The following DGKB variants were observed in gnomAD, a reference collection of about 807,000 sequenced individuals.
The protein encoded by DGKB is 90 kDa diacylglycerol kinase.
A neutral mutation model predicts 114.3 loss-of-function variants in DGKB; 67 were observed. That is an observed-to-expected ratio of 0.59 (90% CI 0.48 to 0.72). The LOEUF (loss-of-function observed/expected upper bound fraction) is 0.72, where lower values mean the gene tolerates loss of function less well. Ranked by LOEUF, DGKB falls within the 30% of genes least tolerant of loss-of-function variation. The probability of loss-of-function intolerance (pLI) is 0.00; values close to 1 mark genes in which losing one functional copy is unlikely to be tolerated. For synonymous variants in DGKB, 398 were observed against 323.1 expected (o/e 1.23, Z -2.49); for missense variants, 907 against 975.2 (o/e 0.93, Z 0.93).
intron 21 of DGKB, among the ~76,000 whole-genome samples, chr7:14,379,915 T>C (rs1321536379): frequency 7.0e-6 from 1 of 143,306 alleles, no homozygotes; most frequent in African/African-American, 2.5e-5. Context: ...ATTACAGGCG[T>C]GAGCGAGCGG....
chr7:14,321,132 A>T (rs1055205692), intron 23 of DGKB, among the ~76,000 whole-genome samples: 1 of 152,030 alleles, frequency 6.6e-6, no homozygotes, highest in Non-Finnish European at 1.5e-5. Context: ...CCCTACAAAA[A>T]ATACAAAACT....
intron 23 of DGKB, among the ~76,000 whole-genome samples, chr7:14,181,011 T>C (rs1438763202): frequency 6.6e-6 from 1 of 152,168 alleles, no homozygotes. Context: ...CCCTAGCCCT[T>C]TTTGTATGGC....
intron 25 of DGKB, among the ~76,000 whole-genome samples, chr7:14,153,485 CAA>C (rs1329659691): frequency 1.3e-5 from 2 of 151,998 alleles, no homozygotes; most frequent in African/African-American, 2.4e-5. Context: ...CACTGAAGGA[CAA>C]AGAGACTTAA....
intron 20 of DGKB, among the ~76,000 whole-genome samples, chr7:14,568,575 C>T (rs558866010): frequency 2.2e-3 from 330 of 152,260 alleles, no homozygotes; most frequent in Non-Finnish European, 3.9e-3. Flanking sequence ...CCTGGGTCAC[C>T]GATTGACAAC....
At chr7:14,807,628 G>C (rs1842933894) in intron 2 of DGKB, among the ~76,000 whole-genome samples, 1 of 151,952 alleles carries the variant, frequency 6.6e-6, no homozygotes, top group Non-Finnish European at 1.5e-5. Flanking sequence ...GACGTAGAAA[G>C]AGATAGATTT....
At chr7:14,301,124 C>T (rs142203751) in intron 23 of DGKB, among the ~76,000 whole-genome samples, 1 of 152,188 alleles carries the variant, frequency 6.6e-6, no homozygotes, top group African/African-American at 2.4e-5. Flanking sequence ...TGAAGTTTAT[C>T]TGTTTGCAGT....
chr7:14,352,979 A>T (rs1324693034), intron 21 of DGKB, among the ~76,000 whole-genome samples: 1 of 152,140 alleles, frequency 6.6e-6, no homozygotes, highest in African/African-American at 2.4e-5. Flanking sequence ...CATAATAATA[A>T]AAGTGTCCCT....
intron 14 of DGKB, among the ~76,000 whole-genome samples, chr7:14,627,956 A>C (rs953769522): frequency 5.9e-5 from 9 of 151,782 alleles, no homozygotes; most frequent in East Asian, 1.9e-4. Context: ...AAAACAAAAA[A>C]AAAAAACAAC....
At chr7:14,542,940 G>T (rs544994043) in intron 20 of DGKB, among the ~76,000 whole-genome samples, 1 of 152,228 alleles carries the variant, frequency 6.6e-6, no homozygotes, top group African/African-American at 2.4e-5. Flanking sequence ...AACGGAGATG[G>T]GTTCATTTAG....
At chr7:14,693,644 A>G (rs1163478451) in intron 9 of DGKB, among the ~76,000 whole-genome samples, 1 of 151,606 alleles carries the variant, frequency 6.6e-6, no homozygotes, top group African/African-American at 2.4e-5. Flanking sequence ...CACTGGAGAT[A>G]TTTAACTGCC....
At chr7:14,662,901 T>C (rs991962997) in intron 13 of DGKB, among the ~76,000 whole-genome samples, 3 of 151,998 alleles carry the variant, frequency 2.0e-5, no homozygotes, top group Non-Finnish European at 1.5e-5. Context: ...TACATAGTTA[T>C]GGTATGATAA....
chr7:14,336,572 A>G (rs1270269337), intron 23 of DGKB, among the ~76,000 whole-genome samples: 5 of 152,174 alleles, frequency 3.3e-5, no homozygotes, highest in Admixed American at 3.3e-4. Flanking sequence ...CCCAGAATTT[A>G]TGGGAAATTG....
At chr7:14,972,069 C>A (rs1297217137) in intron 1 of DGKB, among the ~76,000 whole-genome samples, 1 of 151,994 alleles carries the variant, frequency 6.6e-6, no homozygotes, top group Admixed American at 6.6e-5. Flanking sequence ...TTTAAAGAAA[C>A]TCAAGATTAT....
intron 23 of DGKB, among the ~76,000 whole-genome samples, chr7:14,304,888 G>A (rs9655112): frequency 2.0e-5 from 3 of 152,070 alleles, no homozygotes; most frequent in Admixed American, 1.3e-4. Flanking sequence ...GACAGAAGCA[G>A]TTTTAGCTTT....
chr7:14,841,321 C>A lies in DGKB; in HGVS notation c.-58G>T. ...TAAAAGATTCTTTATTCAGGTGTTG[C>A]GCAGAGGTCTATGCTTCAAAGATTC... On this transcript the variant is annotated 5_prime_UTR_variant, in exon 2 of 26. Transcript: ENST00000402815. 2 of 1,472,514 alleles carry A rather than the reference C, an allele frequency of 1.4e-6. No homozygotes were observed. The highest frequency in any genetic ancestry group is 1.9e-6 in the Non-Finnish European group (2 of 1,061,420). The allele number at this position is 1,472,514 out of a possible 1,614,324, so 91.2% of individuals were successfully genotyped here. A position where few individuals can be genotyped will look rare whatever the true frequency, so the allele number is the denominator to read the frequency against.
intron 21 of DGKB, among the ~76,000 whole-genome samples, chr7:14,425,506 A>C (rs940804326): frequency 1.3e-5 from 2 of 152,160 alleles, no homozygotes; most frequent in Non-Finnish European, 2.9e-5. Context: ...AAGGTCATAA[A>C]TTTAAAAATT....
At chr7:14,335,311 C>T (rs1341409251) in intron 23 of DGKB, among the ~76,000 whole-genome samples, 1 of 151,972 alleles carries the variant, frequency 6.6e-6, no homozygotes, top group Non-Finnish European at 1.5e-5. Flanking sequence ...AAAGGGTAAA[C>T]TTAAAACAAA....
At chr7:14,164,302 G>A (rs17167937) in intron 25 of DGKB, among the ~76,000 whole-genome samples, 1 of 151,996 alleles carries the variant, frequency 6.6e-6, no homozygotes, top group African/African-American at 2.4e-5. Flanking sequence ...CTTTAAAAAC[G>A]GTGTGTCTAC....
chr7:14,835,752 T>A (rs1847068338), intron 2 of DGKB, among the ~76,000 whole-genome samples: 1 of 152,188 alleles, frequency 6.6e-6, no homozygotes, highest in Admixed American at 6.5e-5. Flanking sequence ...ATTCTAGCTT[T>A]TCCTATTTTG....
Sources: allele counts gnomAD v4.1 joint callset (sites outside exome capture counted in the v4.1 genomes callset), GRCh38; gene constraint gnomAD v4.1.1; transcripts MANE v1.5; gene names NCBI Gene and HGNC (gene_info 2026-07-23, HGNC 2026-07-21).